Variants in NAA25 observed in about 807,000 individuals in gnomAD.
NAA25 encodes N-terminal acetyltransferase B complex subunit NAA25.
Under a neutral mutation model 132.5 loss-of-function variants are expected in NAA25, and 30 were observed. That is an observed-to-expected ratio of 0.23 (90% CI 0.17 to 0.31). The LOEUF is 0.31. Ranked by LOEUF, NAA25 falls within the 10% of genes least tolerant of loss-of-function variation. NAA25 has a pLI of 1.00. For missense variants in NAA25, 771 were observed against 1,150.4 expected (o/e 0.67, Z 4.77); for synonymous variants, 359 against 401.9 (o/e 0.89, Z 1.28).
intron 1 of NAA25, among the ~76,000 whole-genome samples, chr12:112,107,219 C>T (rs2079375324): frequency 6.6e-6 from 1 of 151,994 alleles, no homozygotes; most frequent in South Asian, 2.1e-4. Flanking sequence ...GAGATTGTGC[C>T]ACTGTACTCC....
chr12:112,070,531 T>A (rs1413061800), intron 10 of NAA25, among the ~76,000 whole-genome samples: 2 of 152,174 alleles, frequency 1.3e-5, no homozygotes, highest in Non-Finnish European at 2.9e-5. Flanking sequence ...TACTTTGAAG[T>A]TGATTTTGAC....
Position 112,075,840 on chromosome 12 carries a change from T to C in NAA25, c.665-51A>G, listed in dbSNP as rs1161065182. 10 of 1,431,306 alleles carry C rather than the reference T, an allele frequency of 7.0e-6. No homozygotes were observed. In the African/African-American group the frequency reaches 1.4e-4, roughly 20 times the overall value. The allele number at this position is 1,431,306 out of a possible 1,614,324, so 88.7% of individuals were successfully genotyped here. On this transcript the variant is annotated intron_variant, in intron 7 of 23. Coordinates refer to ENST00000261745, the MANE Select transcript of NAA25 (RefSeq NM_024953.4). ...GTAAGCTGGTTTCATTTCTGCTCAA[T>C]AACCAGAATAGAGTCCAACCACAAG...
At chr12:112,065,771 G>A (rs1377978523) in intron 11 of NAA25, 2 of 152,124 alleles carry the variant, frequency 1.3e-5, no homozygotes, top group Admixed American at 1.3e-4. Flanking sequence ...AGCCACTTCA[G>A]GATAACTGAA....
In NAA25 at chr12:112,043,131, A is replaced by C; in HGVS notation, c.2331T>G (p.Phe777Leu). ...SGCSQCQISS[F>L]YLVNDIYELD... The stretch of plus-strand genomic sequence containing the variant: ...GCTCATAAATATCATTGACAAGATA[A>C]AAAGAGCTTATCTGGCACTGAGAAC... Residue 777 changes from phenylalanine to leucine, a missense_variant, in exon 19 of 24, where the codon TTT (phenylalanine) becomes TTG (leucine). Physicochemically the swap from Phe to Leu is conservative, Grantham distance 22. Around this residue, in one of 3 missense-constraint regions of NAA25, gnomAD observed 324 missense variants for 400.0 expected, o/e 0.81. Coordinates refer to ENST00000261745, the MANE Select transcript of NAA25 (RefSeq NM_024953.4). The C allele has an allele frequency of 6.2e-7, 1 of 1,613,604 alleles. No homozygotes were observed. Among genetic ancestry groups the C allele is most frequent in the Non-Finnish European group, 8.5e-7 (1 of 1,179,648 alleles).
At chr12:112,102,069 A>G (rs902268477) in intron 1 of NAA25, among the ~76,000 whole-genome samples, 1 of 151,648 alleles carries the variant, frequency 6.6e-6, no homozygotes, top group Non-Finnish European at 1.5e-5. Flanking sequence ...GGTTTTCACC[A>G]CGTTGGCCAG....
At chr12:112,107,320 TACTA>T (rs749463431) in intron 1 of NAA25, among the ~76,000 whole-genome samples, 53 of 150,822 alleles carry the variant, frequency 3.5e-4, no homozygotes, top group Admixed American at 6.6e-4. Flanking sequence ...CTCCAAGAAA[TACTA>T]ACTGAGTGGC....
At chr12:112,086,623 T>C (rs2079061238) in intron 4 of NAA25, among the ~76,000 whole-genome samples, 1 of 152,186 alleles carries the variant, frequency 6.6e-6, no homozygotes, top group Non-Finnish European at 1.5e-5. Flanking sequence ...TTATCTATTG[T>C]TATAACTTGA....
intron 1 of NAA25, among the ~76,000 whole-genome samples, chr12:112,104,552 T>C (rs2079335440): frequency 6.6e-6 from 1 of 152,116 alleles, no homozygotes; most frequent in African/African-American, 2.4e-5. Flanking sequence ...TTAAGAATAA[T>C]GGGGCCAGGT....
At chr12:112,058,934 TGTAGTCCCAGCTACTC>T (rs1416913435) in intron 13 of NAA25, among the ~76,000 whole-genome samples, 2 of 151,578 alleles carry the variant, frequency 1.3e-5, no homozygotes, top group South Asian at 2.1e-4. Flanking sequence ...GGCGGGCACC[TGTAGTCCCAGCTACTC>T]GTAGTCCCAG....
At chr12:112,106,018 G>A (rs1459610330) in intron 1 of NAA25, among the ~76,000 whole-genome samples, 1 of 152,228 alleles carries the variant, frequency 6.6e-6, no homozygotes, top group Admixed American at 6.6e-5. Flanking sequence ...GGGTAGTAAT[G>A]TATTTAAACA....
chr12:112,087,261 CT>C (rs774405364), intron 4 of NAA25, among the ~76,000 whole-genome samples: 14 of 152,228 alleles, frequency 9.2e-5, no homozygotes, highest in Middle Eastern at 3.4e-3. Context: ...GATTTTCCCC[CT>C]GGTGGACTTA....
At chr12:112,074,416 A>G (rs1365247640) in intron 9 of NAA25, among the ~76,000 whole-genome samples, 1 of 152,010 alleles carries the variant, frequency 6.6e-6, no homozygotes, top group Non-Finnish European at 1.5e-5. Flanking sequence ...ATCTCACGGA[A>G]AGGCACCAAA....
intron 10 of NAA25, 34 bp from the exon 11 acceptor site, chr12:112,069,026 C>T: frequency 8.4e-7 from 1 of 1,188,662 alleles, no homozygotes; most frequent in Non-Finnish European, 1.2e-6. Context: ...CTTTATTACT[C>T]ATGAACAGAA....
At chr12:112,060,814 CTAAAT>C (rs1262290203) in intron 12 of NAA25, among the ~76,000 whole-genome samples, 1 of 152,172 alleles carries the variant, frequency 6.6e-6, no homozygotes, top group African/African-American at 2.4e-5. Context: ...TATTTCTAAA[CTAAAT>C]ATTTATCTTA....
chr12:112,043,709 G>C lies in NAA25; in HGVS notation c.2166C>G (p.Ser722=), dbSNP rs1394305053. 6.2e-7 allele frequency: 1 copy of C among 1,613,996 alleles called. No individual in the cohort carries two copies. The highest frequency in any genetic ancestry group is 1.3e-5 in the African/African-American group (1 of 74,900). ...SEKTAENGVS[S]RIDILRLLLQ... is the part of the protein sequence containing the mutation. Reference sequence around the variant, plus strand: ...GGAGCAAACGAAGAATATCAATCCGGGAGGATACCCCATTCTCGGCAGTCT... The same window carrying C: ...GGAGCAAACGAAGAATATCAATCCGCGAGGATACCCCATTCTCGGCAGTCT... Residue 722 remains serine, a synonymous_variant, in exon 18 of 24, where the codon TCC becomes TCG. Coordinates refer to ENST00000261745, the MANE Select transcript of NAA25 (RefSeq NM_024953.4).
At chr12:112,038,692 AAT>A (rs2078260590) in intron 22 of NAA25, among the ~76,000 whole-genome samples, 1 of 152,096 alleles carries the variant, frequency 6.6e-6, no homozygotes, top group Non-Finnish European at 1.5e-5. Context: ...AAAATACACT[AAT>A]GTTGGCCAGG....
chr12:112,088,317 GTTTTTTTTTT>G (rs1025838850), intron 3 of NAA25, among the ~76,000 whole-genome samples: 13 of 75,598 alleles, frequency 1.7e-4, no homozygotes, highest in African/African-American at 5.7e-4. Context: ...GTATATTGTA[GTTTTTTTTTT>G]TTTTTTTTTT....
chr12:112,032,125 G>A (rs944834505), intron 23 of NAA25, among the ~76,000 whole-genome samples: 3 of 151,606 alleles, frequency 2.0e-5, no homozygotes, highest in Admixed American at 2.0e-4. Flanking sequence ...CACCACGCCC[G>A]GCTAATTTTT....
intron 12 of NAA25, 109 bp from the exon 13 acceptor site, chr12:112,060,468 A>G (rs1180277731): frequency 1.1e-5 from 7 of 660,920 alleles, no homozygotes; most frequent in African/African-American, 1.8e-5. Flanking sequence ...GGAAAAGTAA[A>G]AGAAAATTAA....
Sources: gnomAD v4.1 joint callset for allele counts (sites outside exome capture counted in the v4.1 genomes callset) on GRCh38, gnomAD v4.1.1 for gene constraint, gnomAD v4.1.1 regional missense constraint, MANE v1.5 for transcripts, NCBI Gene and HGNC (gene_info 2026-07-23, HGNC 2026-07-21) for gene names.